Variants in TRDN observed in about 807,000 individuals in gnomAD.
TRDN encodes the protein triadin in skeletal muscle.
TRDN carries 161 observed loss-of-function variants against 149.7 expected under a neutral mutation model. The ratio of observed to expected loss-of-function variants is 1.08; its 90% confidence interval spans 0.95 to 1.23. TRDN has a LOEUF of 1.23. Among genes scored for constraint, TRDN ranks in the 50% most tolerant of loss-of-function variants. TRDN has a pLI of 0.00. For missense variants in TRDN, 896 were observed against 823.5 expected, an observed-to-expected ratio of 1.09 and a Z score of -1.08; for synonymous variants, 294 against 250.5, an observed-to-expected ratio of 1.17 and a Z score of -1.64.
At chr6:123,424,090 C>T (rs961051331) in intron 12 of TRDN, among the ~76,000 whole-genome samples, 5 of 152,074 alleles carry the variant, frequency 3.3e-5, no homozygotes, top group African/African-American at 4.8e-5. Flanking sequence ...TGTCCATTGT[C>T]ATTTTTTGTT....
intron 12 of TRDN, among the ~76,000 whole-genome samples, chr6:123,428,948 G>T (rs1774230005): frequency 1.3e-5 from 2 of 152,152 alleles, no homozygotes; most frequent in Non-Finnish European, 2.9e-5. Context: ...TTTTTTGAGT[G>T]AATGAATGAA....
At chr6:123,350,359 A>C in intron 21 of TRDN, 1 of 935,648 alleles carries the variant, frequency 1.1e-6, no homozygotes. Flanking sequence ...AAGTGTACTT[A>C]AACTCTATTA....
At chr6:123,562,162 C>T (rs1373077565) in intron 2 of TRDN, among the ~76,000 whole-genome samples, 3 of 152,134 alleles carry the variant, frequency 2.0e-5, no homozygotes, top group Non-Finnish European at 4.4e-5. Flanking sequence ...TGCCCCTGCC[C>T]GCCAGAGAAT....
intron 9 of TRDN, among the ~76,000 whole-genome samples, chr6:123,490,832 C>T (rs1202017627): frequency 6.6e-6 from 1 of 152,192 alleles, no homozygotes; most frequent in Non-Finnish European, 1.5e-5. Flanking sequence ...TGCCCAGGCA[C>T]AGTGGCTCAC....
chr6:123,329,451 A>G (rs568532728), intron 23 of TRDN, among the ~76,000 whole-genome samples: 51 of 152,230 alleles, frequency 3.4e-4, no homozygotes, highest in Non-Finnish European at 6.3e-4. Context: ...GTTACTAAAG[A>G]TTTATTTGAG....
chr6:123,472,493 C>G (rs978309221), intron 9 of TRDN, among the ~76,000 whole-genome samples: 1 of 152,196 alleles, frequency 6.6e-6, no homozygotes, highest in African/African-American at 2.4e-5. Flanking sequence ...AAGGCGGCAG[C>G]AAGGCTGGGG....
intron 38 of TRDN, among the ~76,000 whole-genome samples, chr6:123,226,269 T>C (rs1391949339): frequency 6.6e-6 from 1 of 151,836 alleles, no homozygotes; most frequent in Non-Finnish European, 1.5e-5. Context: ...TAACTTAATA[T>C]CTATATTTTA....
chr6:123,263,359 C>T (rs181240312), intron 33 of TRDN, among the ~76,000 whole-genome samples: 61 of 152,078 alleles, frequency 4.0e-4, no homozygotes, highest in African/African-American at 1.2e-3. Flanking sequence ...TGGAAGCTAC[C>T]AGAGGTTGGT....
intron 38 of TRDN, among the ~76,000 whole-genome samples, chr6:123,227,875 G>A (rs913334303): frequency 7.9e-5 from 12 of 151,926 alleles, no homozygotes; most frequent in Non-Finnish European, 1.5e-5. Context: ...ACAAATAGAG[G>A]AGAGAGAGGT....
intron 1 of TRDN, among the ~76,000 whole-genome samples, chr6:123,608,938 C>T (rs1784654803): frequency 1.3e-5 from 2 of 151,740 alleles, no homozygotes; most frequent in Non-Finnish European, 1.5e-5. Flanking sequence ...TTTGGGAAGC[C>T]GAGGCAGGCA....
At chr6:123,361,248 G>A (rs768955533) in intron 20 of TRDN, among the ~76,000 whole-genome samples, 1 of 152,044 alleles carries the variant, frequency 6.6e-6, no homozygotes. Flanking sequence ...ATGGATGAAA[G>A]TGGAAACCAT....
chr6:123,448,742 ACTTTGGT>A (rs1384927379), intron 10 of TRDN, among the ~76,000 whole-genome samples: 1 of 152,124 alleles, frequency 6.6e-6, no homozygotes, highest in East Asian at 1.9e-4. Flanking sequence ...CACCTCCTGC[ACTTTGGT>A]GCAGGAGGCC....
intron 36 of TRDN, among the ~76,000 whole-genome samples, chr6:123,255,327 C>T (rs1776520905): frequency 6.6e-6 from 1 of 151,956 alleles, no homozygotes; most frequent in Admixed American, 6.6e-5. Context: ...AGAGGTATAA[C>T]ATGAATGTAG....
chr6:123,573,895 A>G (rs891336565), intron 1 of TRDN, among the ~76,000 whole-genome samples: 1 of 152,028 alleles, frequency 6.6e-6, no homozygotes, highest in Non-Finnish European at 1.5e-5. Flanking sequence ...AGTATTGGAG[A>G]AAGAAATAAC....
At chr6:123,352,360 A>G (rs1780492541) in intron 21 of TRDN, 179 bp downstream of exon 21, 29 of 985,170 alleles carry the variant, frequency 2.9e-5, no homozygotes, top group Non-Finnish European at 3.4e-5. Context: ...ACACAAAAGA[A>G]AGACCAACCC....
chr6:123,373,261 G>A (rs754748756), intron 19 of TRDN, among the ~76,000 whole-genome samples: 1 of 152,094 alleles, frequency 6.6e-6, no homozygotes, highest in South Asian at 2.1e-4. Context: ...AGTCTCACAA[G>A]AGCTGATGGT....
At chr6:123,471,268 CAGTGCCATAATA>C in intron 9 of TRDN, 1 of 152,274 alleles carries the variant, frequency 6.6e-6, no homozygotes. Flanking sequence ...CAAACAAGTA[CAGTGCCATAATA>C]AGGGCAGAAA....
At chr6:123,519,157 A>G (rs1779550107) in intron 5 of TRDN, among the ~76,000 whole-genome samples, 1 of 152,120 alleles carries the variant, frequency 6.6e-6, no homozygotes, top group Admixed American at 6.6e-5. Flanking sequence ...TGTCATCCTT[A>G]TTTACAAGAA....
intron 5 of TRDN, chr6:123,528,973 A>C: frequency 8.0e-7 from 1 of 1,243,642 alleles, no homozygotes; most frequent in Non-Finnish European, 1.0e-6. Context: ...AATTTATTTT[A>C]GACTTCAGCC....
Sources: gnomAD v4.1 joint callset for allele counts (sites outside exome capture counted in the v4.1 genomes callset) on GRCh38, gnomAD v4.1.1 for gene constraint, MANE v1.5 for transcripts, NCBI Gene and HGNC (gene_info 2026-07-23, HGNC 2026-07-21) for gene names.